Variants in COP1 observed in about 807,000 individuals in gnomAD.
COP1 encodes the protein COP1 E3 ubiquitin ligase, also known as E3 ubiquitin-protein ligase COP1.
A neutral mutation model predicts 101.3 loss-of-function variants in COP1; 24 were observed. The ratio of observed to expected loss-of-function variants is 0.24; its 90% CI spans 0.17 to 0.33. The LOEUF (loss-of-function observed/expected upper bound fraction) is 0.33. Ranked by LOEUF, COP1 falls within the 10% of genes least tolerant of loss-of-function variation. The pLI, the probability that COP1 is intolerant of heterozygous loss-of-function variation, is 1.00. For synonymous variants in COP1, 347 were observed against 341.9 expected (o/e 1.01, Z -0.17); for missense variants, 663 against 906.2 (o/e 0.73, Z 3.45).
chr1:176,118,856 C>G (rs1246643349), intron 8 of COP1, among the ~76,000 whole-genome samples: 1 of 152,164 alleles, frequency 6.6e-6, no homozygotes, highest in Non-Finnish European at 1.5e-5. Flanking sequence ...CTGACTTGAT[C>G]ATTACACATT....
chr1:176,149,534 A>G (rs1047804746), intron 5 of COP1, among the ~76,000 whole-genome samples: 1 of 152,160 alleles, frequency 6.6e-6, no homozygotes, highest in Admixed American at 6.5e-5. Flanking sequence ...TACTATTTCT[A>G]GTTATTACCT....
At chr1:176,165,025 A>C (rs1209445495) in intron 3 of COP1, among the ~76,000 whole-genome samples, 6 of 152,200 alleles carry the variant, frequency 3.9e-5, no homozygotes, top group Non-Finnish European at 8.8e-5. Flanking sequence ...GATACTTCCC[A>C]GTATATCACA....
At chr1:175,967,307 G>T (rs116772510) in intron 18 of COP1, among the ~76,000 whole-genome samples, 1 of 152,154 alleles carries the variant, frequency 6.6e-6, no homozygotes, top group South Asian at 2.1e-4. Flanking sequence ...CCACCGCGCC[G>T]TTGAAAGCTC....
chr1:176,189,237 T>C (rs1333299512), intron 1 of COP1, among the ~76,000 whole-genome samples: 2 of 152,168 alleles, frequency 1.3e-5, no homozygotes, highest in South Asian at 2.1e-4. Context: ...CACTGTCTAA[T>C]TGAGAATTTT....
intron 11 of COP1, among the ~76,000 whole-genome samples, chr1:176,053,261 T>C (rs1027727609): frequency 1.3e-5 from 2 of 152,148 alleles, no homozygotes; most frequent in Non-Finnish European, 2.9e-5. Flanking sequence ...CCACATTCCA[T>C]GTTCAAATAG....
At chr1:176,049,173 C>T (rs534433839) in intron 11 of COP1, among the ~76,000 whole-genome samples, 1,162 of 66,916 alleles carry the variant, frequency 0.017, 25 homozygotes, top group African/African-American at 0.048. Context: ...AGCGAGACTC[C>T]GTCTCAAAAA....
At chr1:176,058,205 C>T (rs1386952717) in intron 11 of COP1, among the ~76,000 whole-genome samples, 1 of 149,370 alleles carries the variant, frequency 6.7e-6, no homozygotes, top group Non-Finnish European at 1.5e-5. Context: ...AGCCCCTGCC[C>T]AGCCGCCCCT....
chr1:176,199,777 GAC>G (rs1700086298), intron 1 of COP1, among the ~76,000 whole-genome samples: 1 of 152,196 alleles, frequency 6.6e-6, no homozygotes, highest in Non-Finnish European at 1.5e-5. Context: ...TGTGAAGGTA[GAC>G]ACAGAGTATG....
intron 14 of COP1, among the ~76,000 whole-genome samples, chr1:176,040,470 C>T (rs1670328033): frequency 6.6e-6 from 1 of 152,018 alleles, no homozygotes; most frequent in South Asian, 2.1e-4. Flanking sequence ...GTGCGCACCA[C>T]CACGCCCAGG....
intron 18 of COP1, chr1:175,968,578 C>A (rs1322005921): frequency 4.0e-6 from 2 of 494,224 alleles, no homozygotes; most frequent in South Asian, 1.5e-5. Flanking sequence ...TTTTGTTAAC[C>A]AGTCTTTTAT....
intron 6 of COP1, among the ~76,000 whole-genome samples, chr1:176,147,930 C>T (rs960649673): frequency 6.6e-6 from 1 of 152,106 alleles, no homozygotes; most frequent in Non-Finnish European, 1.5e-5. Flanking sequence ...GACAGATTCT[C>T]GCCCTGTTGC....
chr1:176,187,429 G>A (rs966904950), intron 1 of COP1, among the ~76,000 whole-genome samples: 2 of 137,138 alleles, frequency 1.5e-5, no homozygotes, highest in Admixed American at 7.5e-5. Context: ...GTGTGTGTGT[G>A]TATAAGACAG....
chr1:176,055,036 T>C lies in COP1; in HGVS notation c.1278-8712A>G, dbSNP rs1025366050. 1.4e-4 allele frequency among the ~76,000 whole-genome samples: 22 copies of C among 152,268 alleles called. 2 individuals carry two copies. Among genetic ancestry groups the C allele is most frequent in the Admixed American group, 1.2e-3 (18 of 15,300 alleles). Reference sequence around the variant, plus strand: ...CTTAAATATCAACAATAGCTGACATTGATGATCACTCTCTCTTCCACAATA... The same window carrying C: ...CTTAAATATCAACAATAGCTGACATCGATGATCACTCTCTCTTCCACAATA... On this transcript the variant is annotated intron_variant, in intron 11 of 19. Transcript: ENST00000367669.
chr1:176,162,310 A>G (rs1694459628), intron 5 of COP1, among the ~76,000 whole-genome samples: 1 of 152,212 alleles, frequency 6.6e-6, no homozygotes, highest in Non-Finnish European at 1.5e-5. Context: ...CTTATAATAT[A>G]TCACACTCAA....
At chr1:175,970,975 G>A (rs540274478) in intron 18 of COP1, among the ~76,000 whole-genome samples, 117 of 152,318 alleles carry the variant, frequency 7.7e-4, no homozygotes, top group Non-Finnish European at 8.5e-4. Flanking sequence ...AAAGCTGTTA[G>A]AAGTAAATCG....
intron 18 of COP1, among the ~76,000 whole-genome samples, chr1:175,976,133 C>G (rs1316859527): frequency 6.6e-6 from 1 of 152,080 alleles, no homozygotes; most frequent in African/African-American, 2.4e-5. Context: ...TGGTAATAAA[C>G]AGGGACTCTT....
intron 2 of COP1, among the ~76,000 whole-genome samples, chr1:176,183,479 T>C (rs1395310979): frequency 2.6e-5 from 4 of 152,064 alleles, no homozygotes; most frequent in Non-Finnish European, 4.4e-5. Context: ...TGTGGAAAAA[T>C]TGGAACTCTT....
chr1:176,179,818 A>C (rs553342055), intron 2 of COP1, among the ~76,000 whole-genome samples: 3 of 152,020 alleles, frequency 2.0e-5, no homozygotes, highest in Non-Finnish European at 2.9e-5. Context: ...TTAGTATCCT[A>C]ATCTTATTCC....
chr1:175,984,182 C>T (rs748511503), intron 18 of COP1, among the ~76,000 whole-genome samples: 1 of 152,176 alleles, frequency 6.6e-6, no homozygotes, highest in Non-Finnish European at 1.5e-5. Context: ...CATCACAGGC[C>T]TGGAGACCCC....
Sources: allele counts gnomAD v4.1 joint callset (sites outside exome capture counted in the v4.1 genomes callset), GRCh38; gene constraint gnomAD v4.1.1; transcripts MANE v1.5; gene names NCBI Gene and HGNC (gene_info 2026-07-23, HGNC 2026-07-21).